The following TULP4 variants were observed in gnomAD, a reference collection of about 807,000 sequenced individuals.
TULP4 encodes TUB like protein 4.
TULP4 carries 16 observed loss-of-function variants against 129.0 expected under a neutral mutation model. The observed-to-expected ratio is 0.12, with a 90% CI of 0.08 to 0.19. The LOEUF (loss-of-function observed/expected upper bound fraction) is 0.19, where lower values mean the gene tolerates loss of function less well. Among genes scored for constraint, TULP4 ranks in the 10% least tolerant of loss-of-function variants. The pLI is 1.00. For missense variants in TULP4, 1,842 were observed against 2,059.1 expected, an observed-to-expected ratio of 0.89 and a Z score of 2.04; for synonymous variants, 998 against 854.0, an observed-to-expected ratio of 1.17 and a Z score of -2.94.
chr6:158,393,407 G>A (rs553095405), intron 1 of TULP4, among the ~76,000 whole-genome samples: 1 of 152,332 alleles, frequency 6.6e-6, no homozygotes, highest in South Asian at 2.1e-4. Context: ...TGCCCCAGTG[G>A]GGACTCTGTG....
intron 1 of TULP4, among the ~76,000 whole-genome samples, chr6:158,350,886 T>C (rs1780501863): frequency 6.6e-6 from 1 of 152,132 alleles, no homozygotes; most frequent in Non-Finnish European, 1.5e-5. Flanking sequence ...TCAGACTCCT[T>C]GGTGGCTGGG....
rs1489663825 is a variant in TULP4, at chr6:158,240,618, T to G, written n.68+8315T>G. 2.2e-5 allele frequency among the ~76,000 whole-genome samples: 2 copies of G among 91,826 alleles called. 1 individual carries two copies. Among genetic ancestry groups the G allele is most frequent in the Non-Finnish European group, 4.8e-5 (2 of 41,394 alleles). The allele number at this position is 91,826 out of a possible 152,430, so 60.2% of individuals were successfully genotyped here. A position where few individuals can be genotyped will look rare whatever the true frequency, so the allele number is the denominator to read the frequency against. ...CGGCCGGGCAGAGGCGCCCCTCACC[T>G]CCCAGACGGGGCGGCTGGCCGGGTG... On this transcript the variant is annotated intron_variant and non_coding_transcript_variant, in intron 1 of 1. Coordinates refer to the TULP4 transcript ENST00000620026.
At chr6:158,338,310 C>G (rs1262165084) in intron 1 of TULP4, among the ~76,000 whole-genome samples, 1 of 152,048 alleles carries the variant, frequency 6.6e-6, no homozygotes, top group East Asian at 1.9e-4. Flanking sequence ...TGTGAGCCAC[C>G]CCACCCAGCC....
At chr6:158,239,666 G>A (rs1245775578) in intron 1 of TULP4, among the ~76,000 whole-genome samples, 28 of 69,982 alleles carry the variant, frequency 4.0e-4, no homozygotes, top group South Asian at 1.0e-3. Flanking sequence ...CTCCCGGACC[G>A]GGCGGCTGGC....
chr6:158,239,979 G>T (rs1172315657), intron 1 of TULP4, among the ~76,000 whole-genome samples: 40 of 107,526 alleles, frequency 3.7e-4, no homozygotes, highest in Non-Finnish European at 7.3e-4. Flanking sequence ...CGGGGCGGCT[G>T]GCTGGGCGGG....
chr6:158,275,754 TAAAC>T (rs749352789), intron 1 of TULP4, among the ~76,000 whole-genome samples: 5 of 152,212 alleles, frequency 3.3e-5, no homozygotes, highest in Admixed American at 6.5e-5. Flanking sequence ...TATTAGTAAA[TAAAC>T]AATAACTTAG....
chr6:158,405,835 G>A (rs1030456375), intron 1 of TULP4, among the ~76,000 whole-genome samples: 4 of 152,138 alleles, frequency 2.6e-5, no homozygotes, highest in East Asian at 1.9e-4. Context: ...GCCTTGCCTC[G>A]GCGTCTCCCA....
rs189166403 is a variant in TULP4 at position 158,398,938 on chromosome 6, A to G, written c.253-14127A>G. 2.6e-5 allele frequency among the ~76,000 whole-genome samples: 4 copies of G among 152,216 alleles called. No homozygotes were observed. The East Asian group carries it at 7.7e-4, about 29-fold the overall frequency. Reference sequence around the variant, plus strand: ...TATTTTTCTCTTAGAGTTGTCAGACATTTTCTGAGGGAGAAAGAGCCTGGA... The same window carrying G: ...TATTTTTCTCTTAGAGTTGTCAGACGTTTTCTGAGGGAGAAAGAGCCTGGA... On this transcript the variant is annotated intron_variant, in intron 1 of 13. Transcript: ENST00000367097.
intron 2 of TULP4, among the ~76,000 whole-genome samples, chr6:158,424,541 C>T (rs764858216): frequency 3.3e-5 from 5 of 152,102 alleles, no homozygotes; most frequent in Non-Finnish European, 7.3e-5. Flanking sequence ...TGAGCCACTG[C>T]GCTCAGCCCA....
intron 1 of TULP4, among the ~76,000 whole-genome samples, chr6:158,412,702 C>G (rs1425439883): frequency 6.6e-6 from 1 of 151,944 alleles, no homozygotes; most frequent in Non-Finnish European, 1.5e-5. Context: ...TAAATAATAC[C>G]CTGATTCAAA....
At chr6:158,280,120 G>A (rs570659242), upstream of TULP4, among the ~76,000 whole-genome samples, 12 of 152,164 alleles carry the variant, frequency 7.9e-5, no homozygotes, top group East Asian at 3.9e-4. Flanking sequence ...ATTTATCAAC[G>A]TGAATGTTGA....
rs1391270469 is a variant in TULP4, at chr6:158,501,894, A to T, written c.2231A>T (p.Tyr744Phe). ...CATGCAGGTGACAGTGCCACCCAGTACCCAGTCTCCAACCGGTACTCCAAT... is the reference window on the plus strand; with the variant it reads ...CATGCAGGTGACAGTGCCACCCAGTTCCCAGTCTCCAACCGGTACTCCAAT... Reference protein sequence around the residue: ...AEHAGDSATQYPVSNRYSNPG... With the variant: ...AEHAGDSATQFPVSNRYSNPG... Residue 744 changes from tyrosine to phenylalanine, a missense_variant, in exon 13 of 14, where the codon TAC (tyrosine) becomes TTC (phenylalanine). Coordinates refer to ENST00000367097, the MANE Select transcript of TULP4 (RefSeq NM_020245.5). The T allele has an allele frequency of 3.7e-6, 6 of 1,613,946 alleles. No homozygotes were observed. The highest frequency in any genetic ancestry group is 3.3e-5 in the Admixed American group (2 of 59,998).
At chr6:158,475,175 G>T (rs1038309717) in intron 6 of TULP4, among the ~76,000 whole-genome samples, 13 of 152,256 alleles carry the variant, frequency 8.5e-5, no homozygotes, top group African/African-American at 3.1e-4. Flanking sequence ...GTGAGGCAGG[G>T]CTGGCCCGCA....
intron 3 of TULP4, among the ~76,000 whole-genome samples, chr6:158,432,165 A>G (rs1778645566): frequency 6.6e-6 from 1 of 151,986 alleles, no homozygotes; most frequent in Admixed American, 6.6e-5. Flanking sequence ...GACCCTGGGA[A>G]AAATTTACCA....
chr6:158,491,440 T>TCTTTCTTC (rs1554296506), intron 9 of TULP4, among the ~76,000 whole-genome samples: 2 of 18,950 alleles, frequency 1.1e-4, no homozygotes, highest in African/African-American at 4.9e-4. Context: ...TTTCTTTCTT[T>TCTTTCTTC]CTTTTCTTTC....
At chr6:158,265,552 C>A (rs1778431474) in intron 1 of TULP4, among the ~76,000 whole-genome samples, 1 of 151,980 alleles carries the variant, frequency 6.6e-6, no homozygotes, top group South Asian at 2.1e-4. Context: ...GGCGTGATGG[C>A]ATGCCTGTAG....
At chr6:158,482,232 AGCATGACCTGTG>A (rs1779964010) in intron 8 of TULP4, among the ~76,000 whole-genome samples, 1 of 152,164 alleles carries the variant, frequency 6.6e-6, no homozygotes, top group Admixed American at 6.5e-5. Flanking sequence ...ACCTGGAGCT[AGCATGACCTGTG>A]GCCTGACCAG....
intron 6 of TULP4, among the ~76,000 whole-genome samples, chr6:158,466,651 A>G (rs1483359632): frequency 6.6e-6 from 1 of 152,192 alleles, no homozygotes; most frequent in Non-Finnish European, 1.5e-5. Flanking sequence ...TCCAGCCAAG[A>G]TATTTTGAGG....
chr6:158,370,893 CA>C (rs1374860155), intron 1 of TULP4, among the ~76,000 whole-genome samples: 1 of 152,166 alleles, frequency 6.6e-6, no homozygotes, highest in African/African-American at 2.4e-5. Context: ...TTCTAGAAAA[CA>C]GGGCAAATGT....
Sources: allele counts gnomAD v4.1 joint callset (sites outside exome capture counted in the v4.1 genomes callset), GRCh38; gene constraint gnomAD v4.1.1; transcripts MANE v1.5; gene names NCBI Gene and HGNC (gene_info 2026-07-23, HGNC 2026-07-21).